The following PCDHGB3 variants were observed in gnomAD, a reference collection of about 807,000 sequenced individuals.
PCDHGB3 encodes protocadherin gamma subfamily B, 3, also known as protocadherin gamma-B3.
Under a neutral mutation model 59.2 loss-of-function variants are expected in PCDHGB3, and 40 were observed. The ratio of observed to expected loss-of-function variants is 0.68; its 90% CI spans 0.52 to 0.88. The LOEUF (loss-of-function observed/expected upper bound fraction) is 0.88. PCDHGB3 is among the 40% of genes least tolerant of loss of function. The probability of loss-of-function intolerance (pLI) is 0.00; values close to 1 mark genes in which losing one functional copy is unlikely to be tolerated. For synonymous variants in PCDHGB3, 581 were observed against 503.6 expected (o/e 1.15, Z -2.06); for missense variants, 1,309 against 1,187.9 (o/e 1.10, Z -1.50).
intron 1 of PCDHGB3, chr5:141,422,103 A>C: frequency 6.2e-7 from 1 of 1,608,206 alleles, no homozygotes; most frequent in Admixed American, 1.7e-5. Context: ...CTTCTGAAAT[A>C]TTCCAATTGG....
Position 141,370,759 on chromosome 5 carries a change from T to A in PCDHGB3, c.365T>A (p.Leu122Gln). ...KPLNFFHVTV[L>Q]IQDINDNPPT... ...TTAAACTTTTTTCATGTAACTGTGC[T>A]GATCCAGGATATTAACGACAACCCA... The change falls in exon 1 of 4, where the codon CTG (leucine) becomes CAG (glutamine). Residue 122 changes from leucine (L) to glutamine (Q), a missense_variant. Transcript: ENST00000576222. 1 of 1,614,022 alleles carries A rather than the reference T, an allele frequency of 6.2e-7. No individual in the cohort carries two copies. The highest frequency in any genetic ancestry group is 8.5e-7 in the Non-Finnish European group (1 of 1,179,902).
chr5:141,417,599 C>G (rs1036283292), intron 1 of PCDHGB3: 4 of 500,492 alleles, frequency 8.0e-6, no homozygotes, highest in African/African-American at 7.8e-5. Flanking sequence ...CTCTGGGCGC[C>G]GCCGTCGGCC....
intron 1 of PCDHGB3, chr5:141,409,571 TA>T: frequency 6.2e-7 from 1 of 1,613,932 alleles, no homozygotes; most frequent in Non-Finnish European, 8.5e-7. Flanking sequence ...CCAGACGTCC[TA>T]CGTGGTCCAC....
chr5:141,404,833 C>G (rs754055876), intron 1 of PCDHGB3: 1 of 1,613,844 alleles, frequency 6.2e-7, no homozygotes, highest in Admixed American at 1.7e-5. Flanking sequence ...GTGAAGTGCG[C>G]ACAGCTCGGG....
Position 141,422,492 on chromosome 5 carries a change from C to T in PCDHGB3, c.2415+49683C>T, listed in dbSNP as rs747903569. 2.5e-6 allele frequency: 4 copies of T among 1,613,934 alleles called. No homozygotes were observed. The East Asian group carries it at 6.7e-5, about 27-fold the overall frequency. ...GAGTTGGTCCAGAGCTACAATATAA[C>T]GTTGACAGCCACAGACCAGGGAAGC... On this transcript the variant is annotated intron_variant, in intron 1 of 3. Coordinates refer to ENST00000576222, the MANE Select transcript of PCDHGB3 (RefSeq NM_018924.5).
chr5:141,393,348 T>C (rs754496387), intron 1 of PCDHGB3: 16 of 1,613,730 alleles, frequency 9.9e-6, no homozygotes, highest in Non-Finnish European at 1.4e-5. Context: ...TCACCACTTC[T>C]CCCTGGACGT....
rs2095830931 is a variant in PCDHGB3 at position 141,415,116 on chromosome 5, A to G, written c.2415+42307A>G. 3 of 1,613,652 alleles carry G rather than the reference A, an allele frequency of 1.9e-6. No individual in the cohort carries two copies. The East Asian group carries it at 6.7e-5, about 36-fold the overall frequency. On this transcript the variant is annotated intron_variant, in intron 1 of 3. Transcript: ENST00000576222. The stretch of plus-strand genomic sequence containing the variant: ...GAGACGCGCTCAAGCAAAGCCTCGT[A>G]GTGGCCGTCCAGGACCACGGCCAGC...
intron 1 of PCDHGB3, chr5:141,389,816 G>A (rs1359127304): frequency 6.2e-7 from 1 of 1,613,776 alleles, no homozygotes; most frequent in Admixed American, 1.7e-5. Flanking sequence ...TGGTCGCCGT[G>A]CGTGACGGTG....
intron 1 of PCDHGB3, among the ~76,000 whole-genome samples, chr5:141,460,050 C>T (rs1477206197): frequency 6.6e-6 from 1 of 152,064 alleles, no homozygotes; most frequent in Non-Finnish European, 1.5e-5. Context: ...TGCACTCCAG[C>T]CTGGGCAACA....
At chr5:141,400,592 G>T in intron 1 of PCDHGB3, 1 of 1,603,196 alleles carries the variant, frequency 6.2e-7, no homozygotes, top group Non-Finnish European at 8.5e-7. Context: ...TGAAACTATC[G>T]TACATTTTCA....
intron 1 of PCDHGB3, chr5:141,379,639 A>G (rs1775719450): frequency 6.6e-6 from 1 of 152,198 alleles, no homozygotes; most frequent in African/African-American, 2.4e-5. Context: ...CTCTGATGGA[A>G]AAACTACCAA....
chr5:141,508,334 C>T (rs1323577321), intron 3 of PCDHGB3: 2 of 151,150 alleles, frequency 1.3e-5, no homozygotes, highest in African/African-American at 4.9e-5. Flanking sequence ...GGAGAACTGA[C>T]TCTACAGAAA....
chr5:141,487,380 G>A lies in PCDHGB3; in HGVS notation c.2416-7427G>A. On this transcript the variant is annotated intron_variant, in intron 1 of 3. Transcript: ENST00000576222. This position sits in a 1 kb window ranked among gnomAD's most constrained non-coding sequence, Gnocchi z 5.0. ...GCTGGCACCTGTGCCTGTCTCACCA[G>A]ATCTCGAAGGAGGGAGGGGCTTCCC... is the stretch of plus-strand genomic sequence containing the variant. The A allele has an allele frequency of 1.2e-6, 2 of 1,614,202 alleles. No individual in the cohort carries two copies. The highest frequency in any genetic ancestry group is 2.2e-5 in the South Asian group (2 of 91,078).
chr5:141,466,285 C>A (rs1271958613), intron 1 of PCDHGB3, among the ~76,000 whole-genome samples: 1 of 152,148 alleles, frequency 6.6e-6, no homozygotes, highest in African/African-American at 2.4e-5. Context: ...ATCTTCCCAC[C>A]TCAGGCTCCC....
intron 1 of PCDHGB3, chr5:141,385,263 T>G: frequency 6.2e-7 from 1 of 1,613,672 alleles, no homozygotes; most frequent in Non-Finnish European, 8.5e-7. Context: ...GTGAGAAAAA[T>G]GATTCTTTGC....
In PCDHGB3 at chr5:141,414,978, C is replaced by T. The variant is rs757917979; in HGVS notation, c.2415+42169C>T. On this transcript the variant is annotated intron_variant, in intron 1 of 3. Coordinates refer to ENST00000576222, the MANE Select transcript of PCDHGB3 (RefSeq NM_018924.5). The stretch of plus-strand genomic sequence containing the variant: ...CCAAGGTGGTGGCGGTGGACAGAGA[C>T]TCCGGCCAGAACGCCTGGCTGTCCT... 8 of 1,613,878 alleles carry T rather than the reference C, an allele frequency of 5.0e-6. No individual in the cohort carries two copies. The South Asian group carries it at 8.8e-5, about 18-fold the overall frequency.
intron 1 of PCDHGB3, chr5:141,478,342 G>T (rs1489278202): frequency 6.2e-7 from 1 of 1,613,862 alleles, no homozygotes; most frequent in Non-Finnish European, 8.5e-7. Flanking sequence ...GGCCCTCCTT[G>T]CACGCGGACG....
At position 141,403,603 on chromosome 5, in the gene PCDHGB3, C is replaced by T. The variant is rs2094431906; in HGVS notation, c.2415+30794C>T. On this transcript the variant is annotated intron_variant, in intron 1 of 3. Coordinates refer to ENST00000576222, the MANE Select transcript of PCDHGB3 (RefSeq NM_018924.5). ...ACCTGGTCCTCACGGCCTCGGATGG[C>T]GGCGAGCCGCGTCGCTCCAGCACAG... 4 of 1,613,762 alleles carry T rather than the reference C, an allele frequency of 2.5e-6. No individual in the cohort carries two copies. The East Asian group carries it at 8.9e-5, about 36-fold the overall frequency.
chr5:141,399,162 C>T (rs1174255078), intron 1 of PCDHGB3: 1 of 1,613,664 alleles, frequency 6.2e-7, no homozygotes, highest in South Asian at 1.1e-5. Context: ...AAGTTACATT[C>T]CATTCTCTAC....
Sources: allele counts gnomAD v4.1 joint callset (sites outside exome capture counted in the v4.1 genomes callset), GRCh38; gene constraint gnomAD v4.1.1; non-coding constraint Gnocchi (gnomAD v3.1); transcripts MANE v1.5; gene names NCBI Gene and HGNC (gene_info 2026-07-23, HGNC 2026-07-21).